Variants in UROC1 observed in about 807,000 individuals in gnomAD.
The protein encoded by UROC1 is urocanate hydratase.
UROC1 carries 79 observed loss-of-function variants against 89.5 expected under a neutral mutation model. The ratio of observed to expected loss-of-function variants is 0.88; its 90% CI spans 0.74 to 1.06. The LOEUF (loss-of-function observed/expected upper bound fraction) is 1.06, where lower values mean the gene tolerates loss of function less well. Ranked by LOEUF, UROC1 falls within the 50% of genes least tolerant of loss-of-function variation. UROC1 has a pLI of 0.00. For missense variants in UROC1, 885 were observed against 907.8 expected (o/e 0.97, Z 0.32); for synonymous variants, 361 against 354.8 (o/e 1.02, Z -0.20).
At chr3:126,514,961 G>A (rs537188226) in intron 1 of UROC1, among the ~76,000 whole-genome samples, 11 of 151,928 alleles carry the variant, frequency 7.2e-5, no homozygotes, top group Non-Finnish European at 1.6e-4. Context: ...AAAGATCAAC[G>A]AAACACATTT....
intron 7 of UROC1, 34 bp downstream of exon 7, chr3:126,505,911 G>A (rs779899780): frequency 1.2e-6 from 2 of 1,612,768 alleles, no homozygotes. Flanking sequence ...CCCATGCTGG[G>A]AAGCCCACAG....
intron 3 of UROC1, among the ~76,000 whole-genome samples, chr3:126,508,821 C>T (rs540424711): frequency 6.6e-5 from 10 of 152,204 alleles, no homozygotes; most frequent in African/African-American, 1.2e-4. Flanking sequence ...CAACATATCA[C>T]CCCCAAGGAA....
chr3:126,504,199 A>G, intron 8 of UROC1, 116 bp from the exon 9 acceptor site: 2 of 1,014,740 alleles, frequency 2.0e-6, no homozygotes, highest in African/African-American at 1.6e-5. Flanking sequence ...TTGCTTTTCT[A>G]TAACACAGTC....
intron 16 of UROC1, among the ~76,000 whole-genome samples, chr3:126,490,664 T>G (rs1935628543): frequency 1.3e-5 from 2 of 150,608 alleles, no homozygotes; most frequent in Non-Finnish European, 3.0e-5. Flanking sequence ...GAGTGAGTCT[T>G]TCTCCAAAAA....
At chr3:126,488,879 A>C (rs529826159) in intron 17 of UROC1, among the ~76,000 whole-genome samples, 18 of 152,308 alleles carry the variant, frequency 1.2e-4, no homozygotes, top group Admixed American at 1.0e-3. Flanking sequence ...CTCTTCCCCC[A>C]AAAATCCCAA....
chr3:126,482,137 TG>T lies in UROC1; in HGVS notation c.*207del. ...GGCTCCCATGCAAGTGGCATGGTTG[TG>T]GACAGAGAGCTGCATGTCTCTGGGC... On this transcript the variant is annotated 3_prime_UTR_variant, in exon 20 of 20. Coordinates refer to ENST00000290868, the MANE Select transcript of UROC1 (RefSeq NM_144639.3). 1.5e-6 allele frequency: 1 copy of T among 682,486 alleles called. No homozygotes were observed. Among genetic ancestry groups the T allele is most frequent in the Non-Finnish European group, 2.4e-6 (1 of 411,768 alleles). The allele number at this position is 682,486 out of a possible 1,614,324, so 42.3% of individuals were successfully genotyped here. A position where few individuals can be genotyped will look rare whatever the true frequency, so the allele number is the denominator to read the frequency against.
At chr3:126,494,701 G>T (rs1434552903) in intron 15 of UROC1, among the ~76,000 whole-genome samples, 1 of 152,160 alleles carries the variant, frequency 6.6e-6, no homozygotes, top group Non-Finnish European at 1.5e-5. Flanking sequence ...CTGTGTACAG[G>T]CTGGGGCTTG....
At chr3:126,485,312 G>C (rs1333764568) in intron 18 of UROC1, among the ~76,000 whole-genome samples, 1 of 152,088 alleles carries the variant, frequency 6.6e-6, no homozygotes, top group Non-Finnish European at 1.5e-5. Flanking sequence ...TTCTCATTGA[G>C]AAACAAAGGC....
Position 126,500,044 on chromosome 3 carries a change from T to G in UROC1, c.1243+13A>C, listed in dbSNP as rs774568290. On this transcript the variant is annotated intron_variant, in intron 12 of 19. Transcript: ENST00000290868. ...GTGGCCCCTCCCTCCTCCTCCCTCC[T>G]CCTTCCTCCTACCTGCTCTCTGGGC... The G allele has an allele frequency of 6.2e-7, 1 of 1,609,904 alleles. No homozygotes were observed. The highest frequency in any genetic ancestry group is 1.3e-5 in the African/African-American group (1 of 74,886).
chr3:126,495,269 T>C (rs1173274457), intron 15 of UROC1, among the ~76,000 whole-genome samples: 1 of 152,162 alleles, frequency 6.6e-6, no homozygotes, highest in Non-Finnish European at 1.5e-5. Flanking sequence ...ATTAAGTCGA[T>C]TCATAATGTA....
intron 15 of UROC1, among the ~76,000 whole-genome samples, chr3:126,493,528 A>G (rs777199115): frequency 2.8e-4 from 42 of 152,356 alleles, no homozygotes; most frequent in Middle Eastern, 3.4e-3. Context: ...CAAAAGGACA[A>G]ACACTGTCTG....
intron 1 of UROC1, among the ~76,000 whole-genome samples, chr3:126,512,450 C>A (rs896510174): frequency 6.6e-6 from 1 of 152,200 alleles, no homozygotes; most frequent in Non-Finnish European, 1.5e-5. Flanking sequence ...TAAGGCTAGG[C>A]GTGGTGGCTA....
rs1391807196 is a variant in UROC1, at chr3:126,481,648, C to G, written c.*697G>C. 1 of 152,218 alleles carries G rather than the reference C, an allele frequency of 6.6e-6. No individual in the cohort carries two copies. The highest frequency in any genetic ancestry group is 2.4e-5 in the African/African-American group (1 of 41,436). 9.4% of individuals were successfully genotyped at this position (152,218 alleles called of 1,614,324 possible). ...CGGTGACCTCTCACGAGGCTCTGGA[C>G]CCAGTCATTACCGGGCTATGGGATT... On this transcript the variant is annotated 3_prime_UTR_variant, in exon 20 of 20. Coordinates refer to ENST00000290868, the MANE Select transcript of UROC1 (RefSeq NM_144639.3).
intron 9 of UROC1, chr3:126,501,842 C>T: frequency 6.3e-7 from 1 of 1,599,482 alleles, no homozygotes; most frequent in Non-Finnish European, 8.5e-7. Flanking sequence ...AGGCACCTCC[C>T]CTCCCCCAGG....
rs111992403 is a variant in UROC1 at position 126,517,328 on chromosome 3, C to A, written c.126+266G>T. Among the ~76,000 whole-genome samples the A allele has an allele frequency of 3.7e-3, 569 of 152,274 alleles. 2 individuals carry two copies. The highest frequency in any genetic ancestry group is 0.013 in the African/African-American group (536 of 41,550). On this transcript the variant is annotated intron_variant, in intron 1 of 19. Transcript: ENST00000290868. ...CAAGGCCTCCTCCCACTGGAGGTGG[C>A]CAAAGTGCCACCAGTGACCGGCTGC...
At chr3:126,498,652 C>T (rs902093891) in intron 13 of UROC1, among the ~76,000 whole-genome samples, 1 of 152,038 alleles carries the variant, frequency 6.6e-6, no homozygotes, top group Admixed American at 6.5e-5. Flanking sequence ...GGTGCCTCCT[C>T]CTGGGCAGCC....
rs1935766955 is a variant in UROC1, at chr3:126,496,019, C to A, written c.1509+19G>T. 6 of 1,611,412 alleles carry A rather than the reference C, an allele frequency of 3.7e-6. No individual in the cohort carries two copies. Among genetic ancestry groups the A allele is most frequent in the Non-Finnish European group, 5.1e-6 (6 of 1,179,196 alleles). On this transcript the variant is annotated intron_variant, in intron 15 of 19. Coordinates refer to ENST00000290868, the MANE Select transcript of UROC1 (RefSeq NM_144639.3). ...TGACAGCACAGCCACCCCAGCCTCC[C>A]CCAGGCCTGGGCCCTCACCAGCCGG... is the stretch of plus-strand genomic sequence containing the variant.
At chr3:126,493,136 G>A (rs937940613) in intron 15 of UROC1, among the ~76,000 whole-genome samples, 2 of 152,144 alleles carry the variant, frequency 1.3e-5, no homozygotes, top group African/African-American at 2.4e-5. Context: ...GGTTGTCCCC[G>A]GGAGACAGCT....
Position 126,498,056 on chromosome 3 carries a change from T to A in UROC1, c.1433A>T (p.Asp478Val). 6.2e-7 allele frequency: 1 copy of A among 1,614,078 alleles called. No homozygotes were observed. Among genetic ancestry groups the A allele is most frequent in the Non-Finnish European group, 8.5e-7 (1 of 1,180,010 alleles). ...ATCCCCACCAATGGCGTCACCTCCA[T>A]CAGCAATGGCTTCCTCCAGCACAGA... ...ATSVLEEAIA[D>V]GVKVSVKLQY... Residue 478 changes from aspartate to valine, a missense_variant, in exon 14 of 20, where the codon GAT becomes GTT. Physicochemically the swap from Asp to Val is radical, Grantham distance 152. Coordinates refer to ENST00000290868, the MANE Select transcript of UROC1 (RefSeq NM_144639.3).
Sources: gnomAD v4.1 joint callset for allele counts (sites outside exome capture counted in the v4.1 genomes callset) on GRCh38, gnomAD v4.1.1 for gene constraint, MANE v1.5 for transcripts, NCBI Gene and HGNC (gene_info 2026-07-23, HGNC 2026-07-21) for gene names.